The following JMJD1C variants were observed in gnomAD, a reference collection of about 807,000 sequenced individuals.
JMJD1C encodes the protein jumonji domain-containing protein 1C.
In JMJD1C, 31 loss-of-function variants were observed where a neutral mutation model predicts 245.3. That is an observed-to-expected ratio of 0.13 (90% CI 0.09 to 0.17). JMJD1C has a LOEUF of 0.17. Ranked by LOEUF, JMJD1C falls within the 10% of genes least tolerant of loss-of-function variation. The pLI is 1.00. For synonymous variants in JMJD1C, 1,057 were observed against 1,017.4 expected (o/e 1.04, Z -0.74); for missense variants, 2,691 against 3,000.2 (o/e 0.90, Z 2.41).
chr10:63,367,221 C>T (rs1945916611), intron 2 of JMJD1C, among the ~76,000 whole-genome samples: 1 of 151,846 alleles, frequency 6.6e-6, no homozygotes, highest in African/African-American at 2.4e-5. Context: ...CTTTATTCAC[C>T]CTAGTTTTTT....
At chr10:63,313,202 G>C (rs1324569752) in intron 2 of JMJD1C, among the ~76,000 whole-genome samples, 2 of 152,152 alleles carry the variant, frequency 1.3e-5, no homozygotes, top group Non-Finnish European at 2.9e-5. Context: ...TACGATGTTT[G>C]GTTTTTCATT....
chr10:63,248,206 T>C (rs989141196), intron 3 of JMJD1C, among the ~76,000 whole-genome samples: 1 of 152,064 alleles, frequency 6.6e-6, no homozygotes, highest in African/African-American at 2.4e-5. Flanking sequence ...TTCACACCTG[T>C]AATCCCAGCA....
At chr10:63,337,778 T>C (rs918101087) in intron 2 of JMJD1C, among the ~76,000 whole-genome samples, 2 of 152,100 alleles carry the variant, frequency 1.3e-5, no homozygotes, top group South Asian at 4.1e-4. Context: ...AGATGTGTGA[T>C]CATGCTCTCA....
At chr10:63,520,505 C>CA (rs34697427) in intron 1 of JMJD1C, among the ~76,000 whole-genome samples, 33,707 of 111,056 alleles carry the variant, frequency 0.3, 4,242 homozygotes, top group Non-Finnish European at 0.36. Flanking sequence ...GGTACTGTCA[C>CA]AAAAAAAAAA....
chr10:63,358,736 G>A (rs924935706), intron 2 of JMJD1C: 2 of 152,350 alleles, frequency 1.3e-5, no homozygotes, highest in South Asian at 2.1e-4. Context: ...AAGTTTCAAC[G>A]TTAATAGAAG....
At chr10:63,497,270 A>G (rs955604778) in intron 1 of JMJD1C, among the ~76,000 whole-genome samples, 1 of 152,222 alleles carries the variant, frequency 6.6e-6, no homozygotes, top group Admixed American at 6.5e-5. Flanking sequence ...AAAAAGTGGA[A>G]ACAACCCAAA....
intron 2 of JMJD1C, among the ~76,000 whole-genome samples, chr10:63,347,096 A>T (rs1485246655): frequency 1.5e-5 from 2 of 136,036 alleles, no homozygotes; most frequent in South Asian, 4.7e-4. Context: ...TTTGAGACAG[A>T]GTCTCACTCT....
intron 2 of JMJD1C, among the ~76,000 whole-genome samples, chr10:63,358,328 A>C (rs1803140286): frequency 6.6e-6 from 1 of 152,188 alleles, no homozygotes; most frequent in African/African-American, 2.4e-5. Flanking sequence ...GTTAAATTCT[A>C]GTAAATGGCA....
At chr10:63,374,959 T>A (rs1195175544) in intron 2 of JMJD1C, among the ~76,000 whole-genome samples, 1 of 152,212 alleles carries the variant, frequency 6.6e-6, no homozygotes, top group Non-Finnish European at 1.5e-5. Context: ...TTATATCATC[T>A]GTGAACAGAC....
At position 63,207,162 on chromosome 10, in the gene JMJD1C, C is replaced by T; in HGVS notation, c.4507G>A (p.Glu1503Lys). 1 of 1,614,142 alleles carries T rather than the reference C, an allele frequency of 6.2e-7. No homozygotes were observed. The highest frequency in any genetic ancestry group is 8.5e-7 in the Non-Finnish European group (1 of 1,180,006). Residue 1503 changes from glutamate to lysine, a missense_variant, in exon 10 of 26, where the codon GAA becomes AAA. Physicochemically the swap from Glu to Lys is moderately conservative, Grantham distance 56. This residue lies in a region of JMJD1C where 1,562 missense variants were observed against 1,490.7 expected (regional missense o/e 1.05). Transcript: ENST00000399262. Reference protein sequence around the residue: ...QYKSSNASETEPNAIKNQTLS... With the variant: ...QYKSSNASETKPNAIKNQTLS... ...GTCTGATTTTTTATAGCATTAGGTT[C>T]AGTCTCACTGGCATTACTACTTTTA...
intron 3 of JMJD1C, among the ~76,000 whole-genome samples, chr10:63,262,428 A>G (rs1257902019): frequency 2.0e-5 from 3 of 152,160 alleles, no homozygotes; most frequent in Admixed American, 2.0e-4. Flanking sequence ...GGGAGAAAAT[A>G]TTTTTATATT....
chr10:63,268,984 G>C (rs1053737408), intron 2 of JMJD1C: 6 of 985,362 alleles, frequency 6.1e-6, no homozygotes, highest in African/African-American at 1.7e-5. Flanking sequence ...ATTACAACTC[G>C]CTCTTTGTCA....
chr10:63,483,892 G>A (rs911382341), intron 1 of JMJD1C, among the ~76,000 whole-genome samples: 1 of 152,108 alleles, frequency 6.6e-6, no homozygotes, highest in African/African-American at 2.4e-5. Flanking sequence ...CCAATCACTA[G>A]CACAGTACTT....
chr10:63,320,770 G>A (rs889707042), intron 2 of JMJD1C, among the ~76,000 whole-genome samples: 8 of 152,030 alleles, frequency 5.3e-5, no homozygotes, highest in Non-Finnish European at 1.0e-4. Context: ...TTGACTCCTG[G>A]TTCCTGACAC....
At chr10:63,367,334 C>A (rs1324198658) in intron 2 of JMJD1C, among the ~76,000 whole-genome samples, 1 of 152,146 alleles carries the variant, frequency 6.6e-6, no homozygotes, top group Non-Finnish European at 1.5e-5. Context: ...GCAACCTCCA[C>A]CTTCCAGGTT....
intron 1 of JMJD1C, among the ~76,000 whole-genome samples, chr10:63,384,373 T>C (rs1336172250): frequency 2.0e-5 from 3 of 152,204 alleles, no homozygotes; most frequent in Non-Finnish European, 4.4e-5. Context: ...TCACTATCTC[T>C]GGCAGCTATA....
intron 1 of JMJD1C, among the ~76,000 whole-genome samples, chr10:63,386,786 G>C (rs1419043246): frequency 6.6e-6 from 1 of 152,066 alleles, no homozygotes; most frequent in Non-Finnish European, 1.5e-5. Flanking sequence ...TACCGCCCAG[G>C]GCCCAGTAAC....
At chr10:63,490,413 A>ATTTTTTT (rs1487214754) in intron 1 of JMJD1C, among the ~76,000 whole-genome samples, 1 of 123,650 alleles carries the variant, frequency 8.1e-6, no homozygotes, top group Admixed American at 8.2e-5. Context: ...ATAATTATTT[A>ATTTTTTT]TTTATTTTAT....
chr10:63,443,673 C>A (rs1306980058), intron 1 of JMJD1C, among the ~76,000 whole-genome samples: 2 of 152,192 alleles, frequency 1.3e-5, no homozygotes, highest in South Asian at 4.1e-4. Context: ...GGTTTGGTTA[C>A]ATATGCCACT....
Sources: gnomAD v4.1 joint callset for allele counts (sites outside exome capture counted in the v4.1 genomes callset) on GRCh38, gnomAD v4.1.1 for gene constraint, gnomAD v4.1.1 regional missense constraint, MANE v1.5 for transcripts, NCBI Gene and HGNC (gene_info 2026-07-23, HGNC 2026-07-21) for gene names.